SPRR2G: variants seen among roughly 807,000 people sequenced by gnomAD.
The protein encoded by SPRR2G is small proline-rich protein 2G.
A neutral mutation model predicts 0.7 loss-of-function variants in SPRR2G; 1 was observed. The ratio of observed to expected loss-of-function variants is 1.49; its 90% CI spans 0.53 to 7.06. SPRR2G has a LOEUF of 7.06. SPRR2G is among the 30% of genes most tolerant of loss of function. The pLI, the probability that SPRR2G is intolerant of heterozygous loss-of-function variation, is 0.14. For synonymous variants in SPRR2G, 38 were observed against 33.9 expected, an observed-to-expected ratio of 1.12 and a Z score of -0.42; for missense variants, 96 against 88.5, an observed-to-expected ratio of 1.09 and a Z score of -0.34.
upstream of SPRR2G, among the ~76,000 whole-genome samples, chr1:153,151,663 G>A (rs1183706924): frequency 6.6e-6 from 1 of 152,126 alleles, no homozygotes; most frequent in Non-Finnish European, 1.5e-5. Flanking sequence ...CTGCCTTAAT[G>A]TATGTGCTGC....
the SPRR2G span, among the ~76,000 whole-genome samples, chr1:153,163,512 A>G: frequency 6.6e-6 from 1 of 152,218 alleles, no homozygotes; most frequent in Admixed American, 6.5e-5. Context: ...AGAAAAGGGT[A>G]AGAGGTCTTC....
At chr1:153,162,173 G>A in the SPRR2G span, among the ~76,000 whole-genome samples, 2 of 151,956 alleles carry the variant, frequency 1.3e-5, no homozygotes, top group African/African-American at 4.8e-5. Context: ...TCCTCCCTCG[G>A]ATAGGCCCCA....
chr1:153,173,704 G>A, the SPRR2G span, among the ~76,000 whole-genome samples: 23 of 152,302 alleles, frequency 1.5e-4, 1 homozygote, highest in South Asian at 4.6e-3. Flanking sequence ...ACTACAGAGC[G>A]GTTCCCTCCT....
At position 153,150,079 on chromosome 1, in the gene SPRR2G, G is replaced by C; in HGVS notation, c.32C>G (p.Pro11Arg). The change falls in exon 2 of 2, where the codon CCC becomes CGC. Residue 11 changes from proline to arginine, a missense_variant. Transcript: ENST00000368748. The stretch of plus-strand genomic sequence containing the variant: ...GGGGCACACAGGAGGTGGCTGGCAG[G>C]GCTGCTTGCACTGCTGCTGCTGGTA... MSYQQQQCKQ[P>R]CQPPPVCPTP... 3 of 1,612,826 alleles carry C rather than the reference G, an allele frequency of 1.9e-6. No individual in the cohort carries two copies. Among genetic ancestry groups the C allele is most frequent in the Non-Finnish European group, 2.5e-6 (3 of 1,179,864 alleles).
chr1:153,167,681 C>T, the SPRR2G span, among the ~76,000 whole-genome samples: 4,721 of 152,204 alleles, frequency 0.031, 504 homozygotes, highest in East Asian at 0.35. Flanking sequence ...ACTCAGAAAA[C>T]ATTTAAGTTC....
At chr1:153,186,007 C>T in the SPRR2G span, among the ~76,000 whole-genome samples, 1 of 152,118 alleles carries the variant, frequency 6.6e-6, no homozygotes, top group Non-Finnish European at 1.5e-5. Context: ...GTTCAGTTTC[C>T]ATGTAGTTGT....
At chr1:153,194,963 C>T in the SPRR2G span, among the ~76,000 whole-genome samples, 2 of 152,292 alleles carry the variant, frequency 1.3e-5, no homozygotes, top group East Asian at 1.9e-4. Flanking sequence ...GAGGAAGCTC[C>T]TCCACTGCTG....
chr1:153,200,198 A>G, the SPRR2G span, among the ~76,000 whole-genome samples: 1 of 152,210 alleles, frequency 6.6e-6, no homozygotes, highest in Non-Finnish European at 1.5e-5. Flanking sequence ...TCATCCGTTA[A>G]TAGTTAACAT....
At chr1:153,171,578 C>T in the SPRR2G span, among the ~76,000 whole-genome samples, 7 of 152,178 alleles carry the variant, frequency 4.6e-5, no homozygotes, top group Non-Finnish European at 1.0e-4. Context: ...GACATTTCTT[C>T]AGCAGATAAT....
the SPRR2G span, among the ~76,000 whole-genome samples, chr1:153,164,268 A>T: frequency 6.6e-6 from 1 of 152,190 alleles, no homozygotes; most frequent in South Asian, 2.1e-4. Context: ...TAACTGACTG[A>T]TAGGCTGGCT....
the SPRR2G span, among the ~76,000 whole-genome samples, chr1:153,166,815 G>A: frequency 5.7e-3 from 873 of 152,304 alleles, 14 homozygotes; most frequent in Middle Eastern, 0.02. Flanking sequence ...CATCCACACA[G>A]AGACAGAAAA....
chr1:153,193,026 G>A, the SPRR2G span, among the ~76,000 whole-genome samples: 1 of 152,090 alleles, frequency 6.6e-6, no homozygotes, highest in Non-Finnish European at 1.5e-5. Context: ...TATTTTGAGA[G>A]ATTAGGTAAA....
chr1:153,160,300 A>T, the SPRR2G span, among the ~76,000 whole-genome samples: 1 of 152,178 alleles, frequency 6.6e-6, no homozygotes, highest in East Asian at 1.9e-4. Flanking sequence ...TTTTCAATTC[A>T]TTCATCTGCT....
chr1:153,192,088 A>G, the SPRR2G span, among the ~76,000 whole-genome samples: 1 of 152,214 alleles, frequency 6.6e-6, no homozygotes, highest in Admixed American at 6.5e-5. Context: ...GGGGACACAC[A>G]TGTGCTGCAT....
At chr1:153,190,402 C>G in the SPRR2G span, 18 of 152,412 alleles carry the variant, frequency 1.2e-4, no homozygotes, top group African/African-American at 3.8e-4. Flanking sequence ...TCTTCAGATT[C>G]AAGATGGAAG....
At chr1:153,155,906 G>C in the SPRR2G span, among the ~76,000 whole-genome samples, 29 of 152,170 alleles carry the variant, frequency 1.9e-4, no homozygotes, top group Non-Finnish European at 3.4e-4. Flanking sequence ...CTACCTAAGA[G>C]TCCCATAAAA....
At chr1:153,201,070 C>T in the SPRR2G span, among the ~76,000 whole-genome samples, 3 of 152,100 alleles carry the variant, frequency 2.0e-5, no homozygotes, top group African/African-American at 4.8e-5. Context: ...CTAGGCAAGC[C>T]GGGCTTTGAC....
chr1:153,157,314 T>C, the SPRR2G span, among the ~76,000 whole-genome samples: 4,699 of 152,228 alleles, frequency 0.031, 240 homozygotes, highest in African/African-American at 0.11. Context: ...TACTGACAAA[T>C]TTATAGGTGA....
the SPRR2G span, among the ~76,000 whole-genome samples, chr1:153,163,204 A>C: frequency 2.6e-5 from 4 of 152,196 alleles, no homozygotes; most frequent in African/African-American, 9.7e-5. Flanking sequence ...ACTCGAAAAG[A>C]AGCATTATTT....
Sources: gnomAD v4.1 joint callset for allele counts (sites outside exome capture counted in the v4.1 genomes callset) on GRCh38, gnomAD v4.1.1 for gene constraint, MANE v1.5 for transcripts, NCBI Gene and HGNC (gene_info 2026-07-23, HGNC 2026-07-21) for gene names.